The following RIPOR2 variants were observed in gnomAD, a reference collection of about 807,000 sequenced individuals.
The protein encoded by RIPOR2 is RHO family interacting cell polarization regulator 2, also known as rho family-interacting cell polarization regulator 2.
A neutral mutation model predicts 114.5 loss-of-function variants in RIPOR2; 39 were observed. The ratio of observed to expected loss-of-function variants is 0.34; its 90% CI spans 0.26 to 0.44. The LOEUF (loss-of-function observed/expected upper bound fraction) is 0.44, where lower values mean the gene tolerates loss of function less well. RIPOR2 is among the 20% of genes least tolerant of loss of function. The pLI, the probability that RIPOR2 is intolerant of heterozygous loss-of-function variation, is 1.00. For synonymous variants in RIPOR2, 445 were observed against 484.4 expected (o/e 0.92, Z 1.07); for missense variants, 1,007 against 1,255.1 (o/e 0.80, Z 2.99).
chr6:24,947,224 C>T (rs765478762), intron 1 of RIPOR2, among the ~76,000 whole-genome samples: 83 of 152,082 alleles, frequency 5.5e-4, no homozygotes, highest in Non-Finnish European at 1.0e-3. Flanking sequence ...ACAGGACAGA[C>T]GTGGGCCCAG....
At chr6:24,919,008 C>T (rs1039799243) in intron 1 of RIPOR2, among the ~76,000 whole-genome samples, 5 of 152,234 alleles carry the variant, frequency 3.3e-5, no homozygotes, top group Non-Finnish European at 7.3e-5. Flanking sequence ...AATCAGGATA[C>T]TGGATACAAG....
intron 7 of RIPOR2, among the ~76,000 whole-genome samples, chr6:24,864,268 T>G (rs1459465448): frequency 6.6e-6 from 1 of 152,158 alleles, no homozygotes; most frequent in East Asian, 1.9e-4. Context: ...AGGCAGAGAT[T>G]GCAGTGAGCC....
At chr6:24,928,148 T>C (rs73731448) in intron 1 of RIPOR2, among the ~76,000 whole-genome samples, 1 of 152,214 alleles carries the variant, frequency 6.6e-6, no homozygotes, top group Non-Finnish European at 1.5e-5. Context: ...TGGAGATTAA[T>C]AGGGGTGTGA....
At chr6:24,871,382 C>T (rs576452011) in intron 4 of RIPOR2, among the ~76,000 whole-genome samples, 68 of 152,316 alleles carry the variant, frequency 4.5e-4, no homozygotes, top group Middle Eastern at 3.4e-3. Flanking sequence ...GACAGAGTTT[C>T]GCTCTTTTGC....
At chr6:24,850,101 T>TC (rs1189604192) in intron 10 of RIPOR2, among the ~76,000 whole-genome samples, 151 bp from the exon 11 acceptor site, 1 of 147,896 alleles carries the variant, frequency 6.8e-6, no homozygotes, top group East Asian at 1.9e-4. Flanking sequence ...CTTTTTCTTT[T>TC]TTTTTTTTTT....
intron 1 of RIPOR2, among the ~76,000 whole-genome samples, chr6:24,926,217 AGTG>A (rs899711267): frequency 2.6e-5 from 4 of 152,330 alleles, no homozygotes; most frequent in Admixed American, 6.5e-5. Context: ...AACTCTGTAA[AGTG>A]GTGATGGGGG....
At position 24,850,487 on chromosome 6, in the gene RIPOR2, A is replaced by G. The variant is rs7761191; in HGVS notation, c.885+110T>C. Reference sequence around the variant, plus strand: ...TGTCTTTGTAATAGACTTGTGCAGAAAAGTCTGTGGGATGGAGGGGCAACA... The same window carrying G: ...TGTCTTTGTAATAGACTTGTGCAGAGAAGTCTGTGGGATGGAGGGGCAACA... On this transcript the variant is annotated intron_variant, in intron 10 of 21. Coordinates refer to ENST00000643898, the MANE Select transcript of RIPOR2 (RefSeq NM_001286445.3). 0.69 allele frequency: 784,502 copies of G among 1,138,610 alleles called. 274,830 individuals carry two copies. Among genetic ancestry groups the G allele is most frequent in the East Asian group, 0.91 (38,115 of 41,934 alleles). The allele number at this position is 1,138,610 out of a possible 1,614,324, so 70.5% of individuals were successfully genotyped here.
At position 24,872,898 on chromosome 6, in the gene RIPOR2, T is replaced by C; in HGVS notation, c.406A>G (p.Lys136Glu). 2.5e-6 allele frequency: 4 copies of C among 1,610,922 alleles called. No individual in the cohort carries two copies. Among genetic ancestry groups the C allele is most frequent in the Non-Finnish European group, 2.5e-6 (3 of 1,177,582 alleles). The change falls in exon 4 of 22, where the codon AAA becomes GAA. Residue 136 changes from lysine (K) to glutamate (E), a missense_variant. Transcript: ENST00000643898. ...GTACCTACCAGGCGAGAGTTTCTTTTCATATCTTTTAACTGAGCTGTCAAC... is the reference window on the plus strand; with the variant it reads ...GTACCTACCAGGCGAGAGTTTCTTTCCATATCTTTTAACTGAGCTGTCAAC... ...DKLTAQLKDM[K>E]RNSRLGVLYD... is the part of the protein sequence containing the mutation.
At chr6:24,865,795 C>T (rs1764543549) in intron 6 of RIPOR2, among the ~76,000 whole-genome samples, 1 of 151,428 alleles carries the variant, frequency 6.6e-6, no homozygotes, top group African/African-American at 2.4e-5. Context: ...TGAGAGCTTT[C>T]TGTAAGTATT....
Position 24,806,176 on chromosome 6 carries a change from C to T in RIPOR2, c.*197G>A. ...TATGTTGCCCAGGTTGGTCTTGAAC[C>T]TCCTGGGCTTAAGCAATTCTCCTGC... On this transcript the variant is annotated 3_prime_UTR_variant, in exon 22 of 22. Coordinates refer to ENST00000643898, the MANE Select transcript of RIPOR2 (RefSeq NM_001286445.3). The T allele has an allele frequency of 1.7e-6, 1 of 574,724 alleles. No homozygotes were observed. The highest frequency in any genetic ancestry group is 3.0e-6 in the Non-Finnish European group (1 of 329,064). 35.6% of individuals were successfully genotyped at this position (574,724 alleles called of 1,614,324 possible). A position where few individuals can be genotyped will look rare whatever the true frequency, so the allele number is the denominator to read the frequency against.
intron 20 of RIPOR2, among the ~76,000 whole-genome samples, chr6:24,810,958 C>T (rs1488117131): frequency 1.3e-5 from 2 of 152,006 alleles, no homozygotes; most frequent in East Asian, 3.9e-4. Flanking sequence ...GTGTGCGCCA[C>T]CACGCCTGGC....
At chr6:24,930,028 TC>T (rs1387895528) in intron 1 of RIPOR2, among the ~76,000 whole-genome samples, 3 of 152,202 alleles carry the variant, frequency 2.0e-5, no homozygotes, top group African/African-American at 4.8e-5. Context: ...TGAGCTGCAA[TC>T]ACACCACTGC....
At chr6:24,919,416 C>G (rs1380590652) in intron 1 of RIPOR2, among the ~76,000 whole-genome samples, 1 of 152,174 alleles carries the variant, frequency 6.6e-6, no homozygotes, top group African/African-American at 2.4e-5. Flanking sequence ...TTGGTTTAAG[C>G]AAATCTCCAA....
chr6:24,877,301 C>CCCCT, intron 1 of RIPOR2: 1 of 985,350 alleles, frequency 1.0e-6, no homozygotes. Context: ...GTTTTTAAAT[C>CCCCT]CCCTCCCTCC....
chr6:24,874,156 G>A (rs1220134027), intron 2 of RIPOR2, among the ~76,000 whole-genome samples: 2 of 151,964 alleles, frequency 1.3e-5, no homozygotes, highest in African/African-American at 2.4e-5. Context: ...TCAGCCTCCC[G>A]AGGTACTGGG....
intron 1 of RIPOR2, among the ~76,000 whole-genome samples, chr6:24,990,682 T>C (rs1431916858): frequency 6.8e-6 from 1 of 147,564 alleles, no homozygotes; most frequent in Non-Finnish European, 1.5e-5. Flanking sequence ...TGTTGCATTG[T>C]TTGAGAACAT....
At chr6:25,016,028 G>A (rs1051161545) in intron 1 of RIPOR2, among the ~76,000 whole-genome samples, 1 of 149,686 alleles carries the variant, frequency 6.7e-6, no homozygotes, top group Non-Finnish European at 1.5e-5. Context: ...CTCAGCTTCC[G>A]GAGTAGCTGG....
At chr6:24,863,237 G>A (rs1424843882) in intron 7 of RIPOR2, among the ~76,000 whole-genome samples, 2 of 152,276 alleles carry the variant, frequency 1.3e-5, no homozygotes, top group East Asian at 3.9e-4. Flanking sequence ...ACAGGTATAA[G>A]CCGCTGCACC....
At chr6:24,980,761 T>C (rs1392961929) in intron 1 of RIPOR2, among the ~76,000 whole-genome samples, 5 of 152,130 alleles carry the variant, frequency 3.3e-5, no homozygotes, top group African/African-American at 1.2e-4. Context: ...TCCACTCCCA[T>C]CTCCCTGCCG....
Sources: allele counts gnomAD v4.1 joint callset (sites outside exome capture counted in the v4.1 genomes callset), GRCh38; gene constraint gnomAD v4.1.1; transcripts MANE v1.5; gene names NCBI Gene and HGNC (gene_info 2026-07-23, HGNC 2026-07-21).